The following RBFOX1 variants were observed in gnomAD, a reference collection of about 807,000 sequenced individuals.
RBFOX1 encodes RNA binding fox-1 homolog 1, also known as RNA binding protein fox-1 homolog 1.
In RBFOX1, 8 loss-of-function variants were observed where a neutral mutation model predicts 57.7. The observed-to-expected ratio is 0.14, with a 90% confidence interval of 0.08 to 0.25. The LOEUF is 0.25. Among genes scored for constraint, RBFOX1 ranks in the 10% least tolerant of loss-of-function variants. The probability of loss-of-function intolerance (pLI) is 1.00; values close to 1 mark genes in which losing one functional copy is unlikely to be tolerated. For synonymous variants in RBFOX1, 326 were observed against 222.4 expected (o/e 1.47, Z -4.15); for missense variants, 611 against 548.5 (o/e 1.11, Z -1.14).
At chr16:6,781,142 C>G (rs1313329831) in intron 3 of RBFOX1, among the ~76,000 whole-genome samples, 5 of 152,042 alleles carry the variant, frequency 3.3e-5, no homozygotes, top group Non-Finnish European at 5.9e-5. Context: ...ACATTAAATT[C>G]TTTAATCCGT....
chr16:5,683,847 G>A (rs1196468886), intron 3 of RBFOX1, among the ~76,000 whole-genome samples: 3 of 149,236 alleles, frequency 2.0e-5, no homozygotes, highest in Non-Finnish European at 3.0e-5. Context: ...TGTAAATTAT[G>A]TATTACATAC....
chr16:5,931,823 A>G (rs1004043815), intron 4 of RBFOX1, among the ~76,000 whole-genome samples: 1 of 152,124 alleles, frequency 6.6e-6, no homozygotes, highest in African/African-American at 2.4e-5. Context: ...TTAGATTGTT[A>G]TGTGGCATAG....
chr16:5,828,224 C>T (rs2056142979), intron 3 of RBFOX1, among the ~76,000 whole-genome samples: 1 of 152,134 alleles, frequency 6.6e-6, no homozygotes, highest in Non-Finnish European at 1.5e-5. Flanking sequence ...TTCATCTGTC[C>T]ATTCAACCAC....
At chr16:6,571,176 C>G (rs1467720778) in intron 2 of RBFOX1, among the ~76,000 whole-genome samples, 2 of 152,148 alleles carry the variant, frequency 1.3e-5, no homozygotes, top group African/African-American at 4.8e-5. Context: ...TTGACAACTA[C>G]AAACAAAAGG....
rs756477908 is a variant in RBFOX1, at chr16:7,150,768, C to T, written c.27+98670C>T. 5.1e-4 allele frequency among the ~76,000 whole-genome samples: 77 copies of T among 152,174 alleles called. 2 individuals are homozygous for T. The highest frequency in any genetic ancestry group is 3.3e-4 in the Admixed American group (5 of 15,276). ...AAAATAGAATAGAACCAGCAGTGTT[C>T]ACTGCAGCATTTGTGGGTTATTAAT... On this transcript the variant is annotated intron_variant, in intron 4 of 15. Transcript: ENST00000550418.
intron 1 of RBFOX1, among the ~76,000 whole-genome samples, chr16:6,207,627 A>C (rs1378079100): frequency 1.3e-5 from 2 of 152,196 alleles, no homozygotes; most frequent in Non-Finnish European, 2.9e-5. Flanking sequence ...TGCCTATTGA[A>C]TAATAATGCC....
At chr16:6,971,670 C>G (rs1459894230) in intron 3 of RBFOX1, among the ~76,000 whole-genome samples, 1 of 151,976 alleles carries the variant, frequency 6.6e-6, no homozygotes, top group Non-Finnish European at 1.5e-5. Flanking sequence ...TTGCAATAGT[C>G]CTGGATAGAG....
At chr16:5,680,465 C>G (rs1243701584) in intron 3 of RBFOX1, among the ~76,000 whole-genome samples, 3 of 152,162 alleles carry the variant, frequency 2.0e-5, no homozygotes, top group Admixed American at 1.3e-4. Context: ...ATTGCTCTTC[C>G]TCTTTAAAGA....
At chr16:7,225,303 T>C (rs145925056) in intron 4 of RBFOX1, among the ~76,000 whole-genome samples, 3 of 152,232 alleles carry the variant, frequency 2.0e-5, no homozygotes, top group African/African-American at 7.2e-5. Flanking sequence ...AGGGACTTGA[T>C]GGGAGATAGC....
At chr16:7,163,693 G>T (rs2078862353) in intron 4 of RBFOX1, among the ~76,000 whole-genome samples, 1 of 151,778 alleles carries the variant, frequency 6.6e-6, no homozygotes, top group Admixed American at 6.6e-5. Context: ...GTCTTGCTCT[G>T]TCACCCATGC....
chr16:5,349,858 C>T (rs1162795292), intron 1 of RBFOX1, among the ~76,000 whole-genome samples: 2 of 152,354 alleles, frequency 1.3e-5, no homozygotes, highest in South Asian at 2.1e-4. Flanking sequence ...AGCAGCCCTG[C>T]TGAGCAGTCT....
At chr16:5,997,159 G>T (rs112387310) in intron 4 of RBFOX1, among the ~76,000 whole-genome samples, 1 of 144,788 alleles carries the variant, frequency 6.9e-6, no homozygotes, top group Non-Finnish European at 1.5e-5. Flanking sequence ...AAGCACCTCC[G>T]TCTCTGCTGG....
At chr16:5,645,176 G>A (rs2049008670) in intron 3 of RBFOX1, among the ~76,000 whole-genome samples, 1 of 151,930 alleles carries the variant, frequency 6.6e-6, no homozygotes, top group African/African-American at 2.4e-5. Context: ...TTGAACCTAG[G>A]AAGCAGAGGT....
At chr16:6,273,552 G>T in intron 1 of RBFOX1, among the ~76,000 whole-genome samples, 1 of 151,704 alleles carries the variant, frequency 6.6e-6, no homozygotes, top group Admixed American at 6.6e-5. Flanking sequence ...CTCCATGTTG[G>T]TCAGGCTGGT....
chr16:6,997,050 A>T (rs1344813428), intron 3 of RBFOX1, among the ~76,000 whole-genome samples: 2 of 152,182 alleles, frequency 1.3e-5, no homozygotes, highest in Non-Finnish European at 2.9e-5. Context: ...ATTTATAAGT[A>T]CATTGTAGAC....
At chr16:7,209,733 G>C (rs1054483597) in intron 4 of RBFOX1, among the ~76,000 whole-genome samples, 14 of 152,192 alleles carry the variant, frequency 9.2e-5, no homozygotes, top group Admixed American at 9.2e-4. Context: ...TAACCTTTGT[G>C]GGGGCAGGAG....
At chr16:5,569,548 T>C (rs1317619564) in intron 2 of RBFOX1, among the ~76,000 whole-genome samples, 5 of 142,220 alleles carry the variant, frequency 3.5e-5, no homozygotes, top group Non-Finnish European at 6.2e-5. Context: ...ATTCTCAGAA[T>C]AGATCTATGC....
At chr16:6,500,876 GT>G (rs1190261525) in intron 2 of RBFOX1, among the ~76,000 whole-genome samples, 413 of 30,118 alleles carry the variant, frequency 0.014, 4 homozygotes, top group African/African-American at 0.024. Context: ...TTGGGGAGTA[GT>G]TTTTTTTTTT....
rs74005034 is a variant in RBFOX1 at position 6,243,621 on chromosome 16, G to C, written c.-126-73374G>C. ...ACTCGGGTCAGGTGGACCCACCTCA[G>C]ATTCCCCTGTGGCCCGTAACCCGGG... On this transcript the variant is annotated intron_variant, in intron 1 of 15. Transcript: ENST00000550418. 1.8e-3 allele frequency among the ~76,000 whole-genome samples: 275 copies of C among 152,280 alleles called. 2 individuals carry two copies. The highest frequency in any genetic ancestry group is 4.8e-3 in the African/African-American group (199 of 41,564).
Sources: gnomAD v4.1 joint callset for allele counts (sites outside exome capture counted in the v4.1 genomes callset) on GRCh38, gnomAD v4.1.1 for gene constraint, MANE v1.5 for transcripts, NCBI Gene and HGNC (gene_info 2026-07-23, HGNC 2026-07-21) for gene names.